Variants in RGS8 observed in about 807,000 individuals in gnomAD.
The protein encoded by RGS8 is regulator of G protein signaling 8, also known as regulator of G-protein signaling 8.
In RGS8, 8 loss-of-function variants were observed where a neutral mutation model predicts 21.7. The observed-to-expected ratio is 0.37, with a 90% CI of 0.22 to 0.66. The LOEUF (loss-of-function observed/expected upper bound fraction) is 0.66, where lower values mean the gene tolerates loss of function less well. Among genes scored for constraint, RGS8 ranks in the 30% least tolerant of loss-of-function variants. The pLI is 0.59. For synonymous variants in RGS8, 80 were observed against 83.6 expected (o/e 0.96, Z 0.24); for missense variants, 157 against 217.9 (o/e 0.72, Z 1.76).
At chr1:182,696,857 A>T in the RGS8 span, among the ~76,000 whole-genome samples, 2 of 152,152 alleles carry the variant, frequency 1.3e-5, no homozygotes, top group Non-Finnish European at 2.9e-5. Flanking sequence ...ATGAACCTGA[A>T]GGGAGTTGGT....
chr1:182,671,096 C>T (rs947819901), intron 2 of RGS8, among the ~76,000 whole-genome samples: 4 of 152,202 alleles, frequency 2.6e-5, no homozygotes, highest in African/African-American at 9.7e-5. Context: ...CTTCTGTCCC[C>T]GCCTTGTCTC....
At chr1:182,750,824 ATCTAGAC>A in the RGS8 span, among the ~76,000 whole-genome samples, 6 of 72,944 alleles carry the variant, frequency 8.2e-5, no homozygotes, top group East Asian at 2.3e-3. Flanking sequence ...ACTAGATACT[ATCTAGAC>A]TCTAGATTCT....
chr1:182,682,756 T>C (rs967816166), intron 1 of RGS8, among the ~76,000 whole-genome samples: 1 of 151,822 alleles, frequency 6.6e-6, no homozygotes, highest in Non-Finnish European at 1.5e-5. Flanking sequence ...CCTATTCAGC[T>C]CATGCTGCTG....
At chr1:182,751,898 T>C in the RGS8 span, among the ~76,000 whole-genome samples, 1 of 152,178 alleles carries the variant, frequency 6.6e-6, no homozygotes, top group Admixed American at 6.5e-5. Flanking sequence ...GCCTACAATA[T>C]TGGGTTCTGG....
upstream of RGS8, among the ~76,000 whole-genome samples, chr1:182,688,890 C>G (rs979318322): frequency 1.3e-5 from 2 of 152,138 alleles, no homozygotes; most frequent in African/African-American, 2.4e-5. Context: ...GAAACAGAAC[C>G]TCCCCTCCAG....
chr1:182,666,154 A>T lies in RGS8; in HGVS notation c.129-121T>A, dbSNP rs141340533. On this transcript the variant is annotated intron_variant, in intron 4 of 6. Coordinates refer to ENST00000483095, the Ensembl canonical transcript of RGS8. The stretch of plus-strand genomic sequence containing the variant: ...ATGTGGGGAAGGGTGCAGGGAGCAA[A>T]TGAAGACTATACCTGGATTCCTGCA... The T allele has an allele frequency of 1.3e-4, 92 of 698,526 alleles. No individual in the cohort carries two copies. The African/African-American group carries it at 1.6e-3, about 12-fold the overall frequency. 43.3% of individuals were successfully genotyped at this position (698,526 alleles called of 1,614,324 possible).
In RGS8 at chr1:182,652,943, G is replaced by C. The variant is rs1663091804; in HGVS notation, c.194-4640C>G. Among the ~76,000 whole-genome samples the C allele has an allele frequency of 8.5e-5, 13 of 152,298 alleles. No individual in the cohort carries two copies. In the South Asian group the frequency reaches 2.7e-3, roughly 32 times the overall value. Reference sequence around the variant, plus strand: ...CACAGGAATGAAGGCCTAGAATTAAGAAAGTTTACTTGAGTAATTGGAAGT... The same window carrying C: ...CACAGGAATGAAGGCCTAGAATTAACAAAGTTTACTTGAGTAATTGGAAGT... On this transcript the variant is annotated intron_variant, in intron 5 of 6. Coordinates refer to ENST00000483095, the Ensembl canonical transcript of RGS8.
At chr1:182,744,147 T>A in the RGS8 span, among the ~76,000 whole-genome samples, 1 of 152,208 alleles carries the variant, frequency 6.6e-6, no homozygotes, top group Non-Finnish European at 1.5e-5. Flanking sequence ...ATTTAAAGTA[T>A]AAAATCCAAT....
chr1:182,697,154 C>G, the RGS8 span, among the ~76,000 whole-genome samples: 1 of 152,174 alleles, frequency 6.6e-6, no homozygotes, highest in Non-Finnish European at 1.5e-5. Flanking sequence ...CAGAGAAACT[C>G]CACATCTTGA....
chr1:182,650,363 C>A (rs1271519011), intron 5 of RGS8, among the ~76,000 whole-genome samples: 1 of 152,192 alleles, frequency 6.6e-6, no homozygotes, highest in African/African-American at 2.4e-5. Flanking sequence ...GAAATGTTTT[C>A]ATTTCTCTGA....
At chr1:182,672,769 T>C (rs774655285), upstream of RGS8, 1 of 1,607,440 alleles carries the variant, frequency 6.2e-7, no homozygotes. Context: ...CTGCACATGA[T>C]CCCTATTTTT....
the RGS8 span, among the ~76,000 whole-genome samples, chr1:182,741,916 C>G: frequency 6.9e-6 from 1 of 145,088 alleles, no homozygotes; most frequent in African/African-American, 2.5e-5. Context: ...GAGGTGGCTG[C>G]CGGGCGGAGA....
At chr1:182,721,068 T>C in the RGS8 span, among the ~76,000 whole-genome samples, 1 of 108,098 alleles carries the variant, frequency 9.3e-6, no homozygotes, top group Non-Finnish European at 1.9e-5. Context: ...TGTGTGTATA[T>C]ATACATATAT....
intron 1 of RGS8, among the ~76,000 whole-genome samples, chr1:182,680,044 C>T (rs552839048): frequency 1.1e-4 from 16 of 152,298 alleles, no homozygotes; most frequent in African/African-American, 3.4e-4. Context: ...ATCCTCGCTA[C>T]CACTGCTCTG....
upstream of RGS8, chr1:182,671,943 C>T (rs534610867): frequency 4.1e-5 from 57 of 1,397,714 alleles, no homozygotes; most frequent in African/African-American, 4.5e-4. Flanking sequence ...CTACACCCAG[C>T]GGGCGGCGGC....
At chr1:182,715,631 G>A in the RGS8 span, among the ~76,000 whole-genome samples, 1 of 152,170 alleles carries the variant, frequency 6.6e-6, no homozygotes, top group Non-Finnish European at 1.5e-5. Flanking sequence ...TTTAGAATAA[G>A]TTCCCAGATA....
chr1:182,693,935 A>G, the RGS8 span, among the ~76,000 whole-genome samples: 1 of 152,200 alleles, frequency 6.6e-6, no homozygotes, highest in Admixed American at 6.5e-5. Context: ...ACACATGGAC[A>G]TAAAGAGAAG....
At position 182,666,048 on chromosome 1, in the gene RGS8, A is replaced by G; in HGVS notation, c.129-15T>C. The G allele has an allele frequency of 6.2e-7, 1 of 1,611,874 alleles. No homozygotes were observed. The highest frequency in any genetic ancestry group is 8.5e-7 in the Non-Finnish European group (1 of 1,178,054). ...TCGATAATCTCCTAGAAAAAAAGAA[A>G]CATCTGTCTTGAATGTTTCTGAAAT... On this transcript the variant is annotated splice_polypyrimidine_tract_variant and intron_variant, in intron 4 of 6. Coordinates refer to ENST00000483095, the Ensembl canonical transcript of RGS8.
At chr1:182,748,083 C>T in the RGS8 span, among the ~76,000 whole-genome samples, 1 of 152,120 alleles carries the variant, frequency 6.6e-6, no homozygotes, top group Non-Finnish European at 1.5e-5. Flanking sequence ...TTAACAAATA[C>T]ATTACCTCAC....
Sources: gnomAD v4.1 joint callset for allele counts (sites outside exome capture counted in the v4.1 genomes callset) on GRCh38, gnomAD v4.1.1 for gene constraint, MANE v1.5 for transcripts, NCBI Gene and HGNC (gene_info 2026-07-23, HGNC 2026-07-21) for gene names.